NCAM1: variants seen among roughly 807,000 people sequenced by gnomAD.
NCAM1 encodes neural cell adhesion molecule 1.
A neutral mutation model predicts 109.8 loss-of-function variants in NCAM1; 14 were observed. The observed-to-expected ratio is 0.13, with a 90% CI of 0.08 to 0.20. The LOEUF (loss-of-function observed/expected upper bound fraction) is 0.20. Among genes scored for constraint, NCAM1 ranks in the 10% least tolerant of loss-of-function variants. NCAM1 has a pLI of 1.00. For synonymous variants in NCAM1, 418 were observed against 442.9 expected, an observed-to-expected ratio of 0.94 and a Z score of 0.70; for missense variants, 774 against 1,109.9, an observed-to-expected ratio of 0.70 and a Z score of 4.30.
intron 1 of NCAM1, among the ~76,000 whole-genome samples, chr11:113,121,148 G>C (rs1363182674): frequency 6.6e-6 from 1 of 151,876 alleles, no homozygotes; most frequent in Non-Finnish European, 1.5e-5. Flanking sequence ...AGAGGATTAG[G>C]GGGGTGGCCT....
chr11:112,998,935 A>T (rs572711272), intron 1 of NCAM1, among the ~76,000 whole-genome samples: 1 of 152,306 alleles, frequency 6.6e-6, no homozygotes, highest in Non-Finnish European at 1.5e-5. Context: ...TACTTCAAAG[A>T]CACATGACCA....
At chr11:113,019,091 G>A (rs61902793) in intron 1 of NCAM1, among the ~76,000 whole-genome samples, 39,671 of 151,974 alleles carry the variant, frequency 0.26, 5,670 homozygotes, top group East Asian at 0.53. Flanking sequence ...CTCGGTCATG[G>A]TTAGGGAGAG....
intron 1 of NCAM1, 37 bp from the exon 2 acceptor site, chr11:113,202,340 TTG>T: frequency 6.4e-7 from 1 of 1,557,284 alleles, no homozygotes; most frequent in Non-Finnish European, 8.7e-7. Flanking sequence ...GGGTTTTTTT[TTG>T]TTTTTTGTTT....
At chr11:113,183,290 C>T (rs901787267) in intron 1 of NCAM1, among the ~76,000 whole-genome samples, 6 of 152,180 alleles carry the variant, frequency 3.9e-5, no homozygotes, top group Admixed American at 6.5e-5. Context: ...AACCAGAATC[C>T]GGATGCCCTG....
chr11:112,988,113 G>T (rs1454985368), intron 1 of NCAM1, among the ~76,000 whole-genome samples: 1 of 151,986 alleles, frequency 6.6e-6, no homozygotes, highest in Non-Finnish European at 1.5e-5. Context: ...AATTATGATA[G>T]TTCATTTTAA....
At chr11:113,110,076 G>T (rs782579991) in intron 1 of NCAM1, among the ~76,000 whole-genome samples, 1 of 152,138 alleles carries the variant, frequency 6.6e-6, no homozygotes, top group Non-Finnish European at 1.5e-5. Context: ...TAATAGTCGT[G>T]TTTTTAATAT....
intron 1 of NCAM1, among the ~76,000 whole-genome samples, chr11:113,120,556 G>A (rs1215837044): frequency 5.9e-5 from 9 of 152,154 alleles, no homozygotes; most frequent in Non-Finnish European, 1.2e-4. Flanking sequence ...ACTGATTCAT[G>A]CCTCAGATTG....
At chr11:113,240,293 G>A (rs1389680692) in intron 14 of NCAM1, among the ~76,000 whole-genome samples, 1 of 152,228 alleles carries the variant, frequency 6.6e-6, no homozygotes, top group Non-Finnish European at 1.5e-5. Flanking sequence ...TCATTCAGAT[G>A]TTGAAATGAG....
intron 1 of NCAM1, among the ~76,000 whole-genome samples, chr11:113,015,973 G>C (rs782229251): frequency 6.6e-6 from 1 of 152,142 alleles, no homozygotes; most frequent in Non-Finnish European, 1.5e-5. Context: ...ATCAGGTGTC[G>C]AGTGGGCTTT....
At chr11:113,167,091 T>C (rs1482160752) in intron 1 of NCAM1, among the ~76,000 whole-genome samples, 7 of 152,168 alleles carry the variant, frequency 4.6e-5, no homozygotes, top group African/African-American at 1.7e-4. Flanking sequence ...CCACTCTCAC[T>C]ACACTGACTA....
chr11:113,235,092 A>C lies in NCAM1; in HGVS notation c.1753A>C (p.Arg585=). The C allele has an allele frequency of 6.2e-7, 1 of 1,603,204 alleles. No individual in the cohort carries two copies. Among genetic ancestry groups the C allele is most frequent in the Non-Finnish European group, 8.5e-7 (1 of 1,174,664 alleles). The change falls in exon 14 of 20, where the codon AGG becomes CGG. Residue 585 remains arginine (R), a synonymous_variant. Transcript: ENST00000316851. ...GAAGCCCGAAACAACGTACGCCGTA[A>C]GGCTGGCGGCGCTCAATGGCAAAGG... is the stretch of plus-strand genomic sequence containing the variant. ...GLKPETTYAV[R]LAALNGKGLG...
chr11:112,967,385 A>C (rs1279903814), intron 1 of NCAM1, among the ~76,000 whole-genome samples: 1 of 152,202 alleles, frequency 6.6e-6, no homozygotes, highest in Non-Finnish European at 1.5e-5. Flanking sequence ...GAGTGAGATG[A>C]CATAATTTCT....
intron 1 of NCAM1, among the ~76,000 whole-genome samples, chr11:113,147,401 C>T (rs1183916287): frequency 5.3e-5 from 8 of 152,220 alleles, no homozygotes; most frequent in Non-Finnish European, 1.2e-4. Flanking sequence ...GAGCAAAGGC[C>T]TTTGCAGGAG....
At chr11:112,973,565 T>C (rs1207525533) in intron 1 of NCAM1, among the ~76,000 whole-genome samples, 1 of 152,142 alleles carries the variant, frequency 6.6e-6, no homozygotes, top group Non-Finnish European at 1.5e-5. Flanking sequence ...ACTCTCCTGC[T>C]TTTCATGACC....
intron 1 of NCAM1, among the ~76,000 whole-genome samples, chr11:113,088,859 G>T (rs12281332): frequency 6.6e-6 from 1 of 151,990 alleles, no homozygotes; most frequent in African/African-American, 2.4e-5. Context: ...TGTTTTGCTG[G>T]AGTTTAATGG....
chr11:113,230,989 C>A (rs1199846308), intron 9 of NCAM1, among the ~76,000 whole-genome samples: 1 of 152,198 alleles, frequency 6.6e-6, no homozygotes, highest in Non-Finnish European at 1.5e-5. Flanking sequence ...GGATCCCAGA[C>A]CTGCCTAGGA....
At chr11:113,083,589 C>T (rs1277623174) in intron 1 of NCAM1, among the ~76,000 whole-genome samples, 1 of 152,124 alleles carries the variant, frequency 6.6e-6, no homozygotes, top group African/African-American at 2.4e-5. Context: ...AGTAAGTAGT[C>T]GTTTTTGTCA....
chr11:112,984,665 T>C (rs1951247494), intron 1 of NCAM1, among the ~76,000 whole-genome samples: 1 of 152,014 alleles, frequency 6.6e-6, no homozygotes, highest in African/African-American at 2.4e-5. Flanking sequence ...GAGCACCTTT[T>C]TGTATACAGT....
chr11:113,154,972 G>A (rs1374466955), intron 1 of NCAM1, among the ~76,000 whole-genome samples: 2 of 152,160 alleles, frequency 1.3e-5, no homozygotes, highest in African/African-American at 4.8e-5. Context: ...CTTTGGGGTT[G>A]GCTGGGAAGC....
Sources: allele counts gnomAD v4.1 joint callset (sites outside exome capture counted in the v4.1 genomes callset), GRCh38; gene constraint gnomAD v4.1.1; transcripts MANE v1.5; gene names NCBI Gene and HGNC (gene_info 2026-07-23, HGNC 2026-07-21).